The following RANBP2 variants were observed in gnomAD, a reference collection of about 807,000 sequenced individuals.
RANBP2 encodes E3 SUMO-protein ligase RanBP2.
Under a neutral mutation model 303.6 loss-of-function variants are expected in RANBP2, and 57 were observed. The observed-to-expected ratio is 0.19, with a 90% CI of 0.15 to 0.23. RANBP2 has a LOEUF of 0.23. RANBP2 is among the 10% of genes least tolerant of loss of function. The pLI is 1.00. For synonymous variants in RANBP2, 1,167 were observed against 1,301.5 expected (o/e 0.90, Z 2.23); for missense variants, 3,138 against 3,780.8 (o/e 0.83, Z 4.46).
At chr2:109,327,743 A>T in the RANBP2 span, among the ~76,000 whole-genome samples, 1 of 152,266 alleles carries the variant, frequency 6.6e-6, no homozygotes, top group Non-Finnish European at 1.5e-5. Flanking sequence ...AAAAATATAA[A>T]GTATTTTTAA....
the RANBP2 span, among the ~76,000 whole-genome samples, chr2:108,809,985 T>C: frequency 6.6e-6 from 1 of 152,148 alleles, no homozygotes; most frequent in Non-Finnish European, 1.5e-5. Context: ...TTTGTACTTT[T>C]AGTAGAGACG....
chr2:109,502,356 T>C, the RANBP2 span: 2 of 152,242 alleles, frequency 1.3e-5, no homozygotes, highest in Non-Finnish European at 2.9e-5. Context: ...GCTGTTAGAC[T>C]TTATATATTT....
the RANBP2 span, among the ~76,000 whole-genome samples, chr2:109,705,032 C>G: frequency 6.6e-6 from 1 of 151,714 alleles, no homozygotes; most frequent in Admixed American, 6.6e-5. Flanking sequence ...AAAATGGAGG[C>G]CATTGCACTC....
chr2:108,847,015 T>C, the RANBP2 span: 2 of 783,012 alleles, frequency 2.6e-6, no homozygotes, highest in Non-Finnish European at 4.2e-6. Flanking sequence ...TCAAATATGT[T>C]GTACATTTTC....
chr2:109,076,643 T>C, the RANBP2 span, among the ~76,000 whole-genome samples: 1 of 150,306 alleles, frequency 6.7e-6, no homozygotes, highest in Non-Finnish European at 1.5e-5. Context: ...AACAATCTCA[T>C]TTACAATAGC....
At chr2:109,141,143 C>G in the RANBP2 span, among the ~76,000 whole-genome samples, 2 of 152,178 alleles carry the variant, frequency 1.3e-5, no homozygotes, top group African/African-American at 4.8e-5. Flanking sequence ...AACCACACCC[C>G]CCGGAGCCCA....
the RANBP2 span, among the ~76,000 whole-genome samples, chr2:109,078,119 GCGTGTATATATATATA>G: frequency 3.1e-4 from 15 of 48,760 alleles, 2 homozygotes; most frequent in East Asian, 0.012. Flanking sequence ...TATATATATA[GCGTGTATATATATATA>G]GCGTGTATAT....
At chr2:109,095,198 T>G in the RANBP2 span, among the ~76,000 whole-genome samples, 1 of 152,254 alleles carries the variant, frequency 6.6e-6, no homozygotes, top group Non-Finnish European at 1.5e-5. Flanking sequence ...GAGTCAGACC[T>G]TATCTTCACT....
At chr2:108,795,598 G>A in the RANBP2 span, among the ~76,000 whole-genome samples, 101 of 152,248 alleles carry the variant, frequency 6.6e-4, 1 homozygote, top group Non-Finnish European at 1.1e-3. Flanking sequence ...CCAGTATTTC[G>A]TTTTGTCAAA....
chr2:108,957,710 C>T, the RANBP2 span, among the ~76,000 whole-genome samples: 6 of 152,360 alleles, frequency 3.9e-5, no homozygotes, highest in African/African-American at 7.2e-5. Context: ...GCCTACCAGG[C>T]GAGGCTAGTG....
At chr2:109,428,684 T>C in the RANBP2 span, among the ~76,000 whole-genome samples, 1 of 152,228 alleles carries the variant, frequency 6.6e-6, no homozygotes, top group Non-Finnish European at 1.5e-5. Flanking sequence ...AATCCCATGA[T>C]TGCCTTAAAT....
the RANBP2 span, among the ~76,000 whole-genome samples, chr2:109,481,532 G>T: frequency 1.3e-5 from 2 of 152,100 alleles, no homozygotes; most frequent in Non-Finnish European, 2.9e-5. Flanking sequence ...GTTTCCAGAA[G>T]GCTGTAGATG....
At chr2:108,831,884 C>T in the RANBP2 span, among the ~76,000 whole-genome samples, 4 of 151,872 alleles carry the variant, frequency 2.6e-5, no homozygotes, top group African/African-American at 9.7e-5. Context: ...AGGCACTGGC[C>T]ACCATGCCTG....
the RANBP2 span, among the ~76,000 whole-genome samples, chr2:109,220,462 A>C: frequency 1.3e-5 from 2 of 152,254 alleles, no homozygotes; most frequent in Admixed American, 1.3e-4. Context: ...TGTGCTTCAA[A>C]GGATACCATC....
the RANBP2 span, among the ~76,000 whole-genome samples, chr2:108,822,190 T>C: frequency 6.6e-6 from 1 of 151,962 alleles, no homozygotes; most frequent in Non-Finnish European, 1.5e-5. Flanking sequence ...ATACTTTACG[T>C]CAAAAACTGT....
chr2:108,860,251 C>G, the RANBP2 span, among the ~76,000 whole-genome samples: 3 of 152,040 alleles, frequency 2.0e-5, no homozygotes, highest in Non-Finnish European at 4.4e-5. Context: ...TTGGCAAGAT[C>G]TTTAGGGTTT....
At chr2:109,200,578 C>T in the RANBP2 span, among the ~76,000 whole-genome samples, 23 of 152,256 alleles carry the variant, frequency 1.5e-4, no homozygotes, top group Admixed American at 1.0e-3. Flanking sequence ...TTCTAGGCAC[C>T]GCCGACCTTT....
chr2:108,868,752 A>G, the RANBP2 span, among the ~76,000 whole-genome samples: 3 of 152,256 alleles, frequency 2.0e-5, no homozygotes, highest in African/African-American at 7.2e-5. Flanking sequence ...GCCTTTGACC[A>G]TGACACATAA....
the RANBP2 span, among the ~76,000 whole-genome samples, chr2:108,822,793 G>C: frequency 2.0e-5 from 3 of 152,124 alleles, no homozygotes; most frequent in Non-Finnish European, 4.4e-5. Context: ...GTGTTAAGAG[G>C]GAAGTTTGTA....
Sources: gnomAD v4.1 joint callset for allele counts (sites outside exome capture counted in the v4.1 genomes callset) on GRCh38, gnomAD v4.1.1 for gene constraint, MANE v1.5 for transcripts, NCBI Gene and HGNC (gene_info 2026-07-23, HGNC 2026-07-21) for gene names.